Variants in PIGN observed in about 807,000 individuals in gnomAD.
PIGN encodes phosphatidylinositol glycan anchor biosynthesis class N, also known as GPI ethanolamine phosphate transferase 1.
Under a neutral mutation model 125.4 loss-of-function variants are expected in PIGN, and 117 were observed. The observed-to-expected ratio is 0.93, with a 90% confidence interval of 0.80 to 1.09. PIGN has a LOEUF of 1.09. PIGN is among the 50% of genes least tolerant of loss of function. The probability of loss-of-function intolerance (pLI) is 0.00; values close to 1 mark genes in which losing one functional copy is unlikely to be tolerated. For synonymous variants in PIGN, 392 were observed against 377.8 expected (o/e 1.04, Z -0.44); for missense variants, 1,075 against 1,094.9 (o/e 0.98, Z 0.26).
At chr18:62,122,880 A>G (rs1285427352) in intron 14 of PIGN, among the ~76,000 whole-genome samples, 1 of 152,158 alleles carries the variant, frequency 6.6e-6, no homozygotes, top group Non-Finnish European at 1.5e-5. Context: ...ATAATGATAA[A>G]TTATTCATCT....
chr18:62,038,106 T>C (rs2030283688), downstream of PIGN, among the ~76,000 whole-genome samples: 1 of 152,196 alleles, frequency 6.6e-6, no homozygotes, highest in Non-Finnish European at 1.5e-5. Context: ...CTTGAACATT[T>C]TGTAGTATTA....
chr18:62,074,544 G>A (rs1406760672), intron 29 of PIGN, among the ~76,000 whole-genome samples: 2 of 152,098 alleles, frequency 1.3e-5, no homozygotes, highest in African/African-American at 2.4e-5. Context: ...CAGATACAAA[G>A]CAACATGGAA....
rs756123776 is a variant in PIGN, at chr18:62,084,066, G to A, written c.2502+465C>T. On this transcript the variant is annotated intron_variant, in intron 27 of 30. Transcript: ENST00000640252. The stretch of plus-strand genomic sequence containing the variant: ...CTGAACCCCTGGAAAGCTGAAAATG[G>A]TCATTATCTTTGTACTGTCAGCACC... Among the ~76,000 whole-genome samples the A allele has an allele frequency of 2.6e-5, 4 of 152,236 alleles. No homozygotes were observed. In the Middle Eastern group the frequency reaches 0.014, roughly 518 times the overall value.
intron 14 of PIGN, among the ~76,000 whole-genome samples, chr18:62,118,293 G>T (rs925577343): frequency 1.3e-5 from 2 of 151,878 alleles, no homozygotes; most frequent in African/African-American, 4.8e-5. Flanking sequence ...TAAATAAAAT[G>T]ACTAAAACAC....
chr18:62,070,836 C>T, intron 30 of PIGN, among the ~76,000 whole-genome samples: 1 of 152,022 alleles, frequency 6.6e-6, no homozygotes, highest in East Asian at 1.9e-4. Context: ...TGGGATATCA[C>T]TCTGTGGCCC....
At chr18:62,181,844 A>G (rs1433330315) in intron 1 of PIGN, among the ~76,000 whole-genome samples, 2 of 152,102 alleles carry the variant, frequency 1.3e-5, no homozygotes, top group Non-Finnish European at 1.5e-5. Flanking sequence ...CTCCTGCCTC[A>G]GCCTCCCAAG....
At chr18:62,062,032 T>C (rs1052354694) in intron 30 of PIGN, among the ~76,000 whole-genome samples, 1 of 152,184 alleles carries the variant, frequency 6.6e-6, no homozygotes, top group Non-Finnish European at 1.5e-5. Flanking sequence ...ACAGAGGCAC[T>C]ATATGACATC....
At chr18:62,135,329 G>C (rs1361765844) in intron 14 of PIGN, among the ~76,000 whole-genome samples, 1 of 152,010 alleles carries the variant, frequency 6.6e-6, no homozygotes, top group East Asian at 1.9e-4. Flanking sequence ...CCATATTGCA[G>C]GCTTTTAGCA....
chr18:62,168,750 T>C (rs990216792), intron 1 of PIGN, among the ~76,000 whole-genome samples: 1 of 152,058 alleles, frequency 6.6e-6, no homozygotes, highest in Non-Finnish European at 1.5e-5. Flanking sequence ...AAACTGTACA[T>C]AAAGTGTAAT....
At chr18:62,102,765 T>C in intron 21 of PIGN, 29 bp downstream of exon 21, 2 of 1,012,878 alleles carry the variant, frequency 2.0e-6, no homozygotes, top group Non-Finnish European at 3.0e-6. Context: ...ATCATTAGTA[T>C]AACATAGTAT....
At chr18:62,127,484 G>A (rs920714323) in intron 14 of PIGN, among the ~76,000 whole-genome samples, 72 of 151,828 alleles carry the variant, frequency 4.7e-4, no homozygotes, top group African/African-American at 1.5e-3. Flanking sequence ...TCAAACCACT[G>A]CAGCCGAAGT....
At position 62,117,621 on chromosome 18, in the gene PIGN, T is replaced by G. The variant is rs576498730; in HGVS notation, c.1173-2982A>C. Among the ~76,000 whole-genome samples, 3 of 152,184 alleles carry G rather than the reference T, an allele frequency of 2.0e-5. No homozygotes were observed. The South Asian group carries it at 6.2e-4, about 32-fold the overall frequency. On this transcript the variant is annotated intron_variant, in intron 14 of 30. Transcript: ENST00000640252. ...AACCTGAGTTGTGGGTACAACAATTTTTATTATATCCTCTATTCTTTTCAG... is the reference window on the plus strand; with the variant it reads ...AACCTGAGTTGTGGGTACAACAATTGTTATTATATCCTCTATTCTTTTCAG...
chr18:62,114,266 G>A (rs2034999608), intron 15 of PIGN, among the ~76,000 whole-genome samples: 1 of 151,906 alleles, frequency 6.6e-6, no homozygotes, highest in African/African-American at 2.4e-5. Flanking sequence ...GGAGGCTGAG[G>A]CAGGAGGATT....
chr18:62,182,857 C>A (rs1451687806), intron 1 of PIGN, among the ~76,000 whole-genome samples: 1 of 152,280 alleles, frequency 6.6e-6, no homozygotes, highest in South Asian at 2.1e-4. Flanking sequence ...ACAAATACTG[C>A]ATGATTTCAC....
chr18:62,157,376 A>T (rs946324489), intron 5 of PIGN, 149 bp from the exon 6 acceptor site: 30 of 515,748 alleles, frequency 5.8e-5, no homozygotes, highest in Middle Eastern at 4.9e-4. Flanking sequence ...ACCACTATTT[A>T]AAAAAAAACT....
intron 25 of PIGN, among the ~76,000 whole-genome samples, chr18:62,087,463 T>C (rs544927750): frequency 2.0e-5 from 3 of 152,324 alleles, no homozygotes; most frequent in African/African-American, 4.8e-5. Context: ...TTTGCGGATA[T>C]GGCATATACA....
intron 25 of PIGN, 38 bp downstream of exon 25, chr18:62,088,718 G>T: frequency 1.8e-6 from 2 of 1,096,284 alleles, no homozygotes; most frequent in Non-Finnish European, 2.7e-6. Flanking sequence ...TTAAGTGGGA[G>T]TTGCAGCTCT....
intron 14 of PIGN, among the ~76,000 whole-genome samples, chr18:62,124,583 C>T (rs747902815): frequency 6.6e-6 from 1 of 152,134 alleles, no homozygotes; most frequent in Non-Finnish European, 1.5e-5. Context: ...TCTAACCATG[C>T]CTTAAAATCC....
chr18:62,110,888 T>TTTTA (rs2034851953), intron 16 of PIGN, among the ~76,000 whole-genome samples: 1 of 141,434 alleles, frequency 7.1e-6, no homozygotes, highest in East Asian at 2.5e-4. Flanking sequence ...TGTATATATA[T>TTTTA]TATATATATA....
Sources: gnomAD v4.1 joint callset for allele counts (sites outside exome capture counted in the v4.1 genomes callset) on GRCh38, gnomAD v4.1.1 for gene constraint, MANE v1.5 for transcripts, NCBI Gene and HGNC (gene_info 2026-07-23, HGNC 2026-07-21) for gene names.